The following EDNRB variants were observed in gnomAD, a reference collection of about 807,000 sequenced individuals.
EDNRB encodes the protein endothelin receptor type B.
EDNRB carries 18 observed loss-of-function variants against 46.4 expected under a neutral mutation model. The observed-to-expected ratio is 0.39, with a 90% CI of 0.27 to 0.57. The LOEUF (loss-of-function observed/expected upper bound fraction) is 0.57. EDNRB is among the 20% of genes least tolerant of loss of function. EDNRB has a pLI of 0.61. For synonymous variants in EDNRB, 213 were observed against 204.9 expected, an observed-to-expected ratio of 1.04 and a Z score of -0.34; for missense variants, 434 against 537.5, an observed-to-expected ratio of 0.81 and a Z score of 1.90.
intron 3 of EDNRB, 41 bp from the exon 4 acceptor site, chr13:77,901,248 T>G: frequency 6.3e-7 from 1 of 1,597,194 alleles, no homozygotes; most frequent in Non-Finnish European, 8.6e-7. Flanking sequence ...TACTCCTCTG[T>G]AAGAAAATCT....
chr13:77,961,389 T>G (rs1256834640), intron 1 of EDNRB, among the ~76,000 whole-genome samples: 1 of 152,124 alleles, frequency 6.6e-6, no homozygotes, highest in Admixed American at 6.6e-5. Context: ...AGTAAAGCAC[T>G]CCTCGGCAAA....
chr13:77,958,856 A>G (rs2137682073), intron 1 of EDNRB, among the ~76,000 whole-genome samples: 1 of 152,316 alleles, frequency 6.6e-6, no homozygotes, highest in East Asian at 1.9e-4. Flanking sequence ...CTAAGATATC[A>G]CCATCTTCTT....
intron 1 of EDNRB, among the ~76,000 whole-genome samples, chr13:77,926,099 A>G (rs541543864): frequency 1.3e-5 from 2 of 152,352 alleles, no homozygotes; most frequent in South Asian, 4.1e-4. Flanking sequence ...TATTTACCCA[A>G]TGCCTTTACC....
intron 1 of EDNRB, among the ~76,000 whole-genome samples, chr13:77,958,465 C>T (rs2329052): frequency 0.17 from 26,408 of 152,114 alleles, 2,772 homozygotes; most frequent in East Asian, 0.54. Flanking sequence ...CTCCGCCTCC[C>T]GGGTTCATGC....
intron 1 of EDNRB, among the ~76,000 whole-genome samples, chr13:77,929,601 T>C (rs1880331625): frequency 6.6e-6 from 1 of 152,168 alleles, no homozygotes; most frequent in Admixed American, 6.5e-5. Flanking sequence ...GTTCATGCCC[T>C]GAAAACCCAT....
rs1363639095 is a variant in EDNRB, at chr13:77,931,760, AC to A, written c.-51-13137del. On this transcript the variant is annotated intron_variant, in intron 1 of 7. Coordinates refer to the EDNRB transcript ENST00000646948. ...CTGTAGTAGCAAAAAAAAAAAAAAA[AC>A]AAAAAAAAAAAAACAAAAAAAACCT... 2.7e-3 allele frequency among the ~76,000 whole-genome samples: 327 copies of A among 120,500 alleles called. 1 individual carries two copies. The highest frequency in any genetic ancestry group is 6.4e-3 in the South Asian group (24 of 3,772). 79.1% of individuals were successfully genotyped at this position (120,500 alleles called of 152,430 possible).
chr13:77,919,303 AT>A, upstream of EDNRB: 2 of 1,343,246 alleles, frequency 1.5e-6, no homozygotes, highest in Non-Finnish European at 1.0e-6. Flanking sequence ...CTTAATTTTT[AT>A]TTTTTTAAAA....
chr13:77,955,664 T>C (rs118187846), intron 1 of EDNRB, among the ~76,000 whole-genome samples: 2,234 of 152,280 alleles, frequency 0.015, 45 homozygotes, highest in East Asian at 0.024. Context: ...TGTAAGATAA[T>C]GGTTCAATTT....
At chr13:77,932,296 A>T (rs1003115980) in intron 1 of EDNRB, among the ~76,000 whole-genome samples, 2 of 152,224 alleles carry the variant, frequency 1.3e-5, no homozygotes, top group African/African-American at 4.8e-5. Flanking sequence ...TCCCTGGATC[A>T]AATTTATCAG....
Position 77,896,398 on chromosome 13 carries a change from A to C in EDNRB, c.*1802T>G. 4 of 1,519,030 alleles carry C rather than the reference A, an allele frequency of 2.6e-6. No homozygotes were observed. Among genetic ancestry groups the C allele is most frequent in the Non-Finnish European group, 3.5e-6 (4 of 1,135,986 alleles). 94.1% of individuals were successfully genotyped at this position (1,519,030 alleles called of 1,614,324 possible). ...AGTGATTGGGATGAAATTAAAGAAC[A>C]AGTTTGTGGGTGATTTATAAATAGA... is the stretch of plus-strand genomic sequence containing the variant. On this transcript the variant is annotated 3_prime_UTR_variant, in exon 7 of 7. Coordinates refer to ENST00000646607, the MANE Select transcript of EDNRB (RefSeq NM_001122659.3).
At chr13:77,936,241 T>G (rs1880560357) in intron 1 of EDNRB, among the ~76,000 whole-genome samples, 1 of 151,954 alleles carries the variant, frequency 6.6e-6, no homozygotes, top group African/African-American at 2.4e-5. Context: ...GGCAATGAGG[T>G]GTGGCTGTAG....
At chr13:77,900,028 G>T in intron 5 of EDNRB, 61 bp from the exon 6 acceptor site, 1 of 1,408,986 alleles carries the variant, frequency 7.1e-7, no homozygotes, top group Non-Finnish European at 1.0e-6. Flanking sequence ...TGTAGTCATT[G>T]TAGCTTCTGT....
At chr13:77,964,062 C>T (rs1166084890) in intron 1 of EDNRB, among the ~76,000 whole-genome samples, 4 of 152,186 alleles carry the variant, frequency 2.6e-5, no homozygotes, top group Non-Finnish European at 5.9e-5. Flanking sequence ...AAATCAAAAC[C>T]ACAATGAGAT....
At chr13:77,917,662 A>G (rs1879878014) in intron 1 of EDNRB, among the ~76,000 whole-genome samples, 1 of 152,210 alleles carries the variant, frequency 6.6e-6, no homozygotes, top group South Asian at 2.1e-4. Context: ...TAGGGACTAG[A>G]TCCTTCAGGA....
rs1391756593 is a variant in EDNRB at position 77,945,874 on chromosome 13, AC to A, written c.-51-27251del. On this transcript the variant is annotated intron_variant, in intron 1 of 7. Transcript: ENST00000646948. ...GAAAATACTCTAAGCCATGCAAAAA[AC>A]CAAAAAAAAAAAAAAAAACAAAAAA... 4.3e-3 allele frequency among the ~76,000 whole-genome samples: 450 copies of A among 104,006 alleles called. 1 individual carries two copies. The highest frequency in any genetic ancestry group is 0.014 in the African/African-American group (403 of 29,442). The allele number at this position is 104,006 out of a possible 152,430, so 68.2% of individuals were successfully genotyped here.
At chr13:77,942,317 G>A (rs1352935566) in intron 1 of EDNRB, among the ~76,000 whole-genome samples, 1 of 152,220 alleles carries the variant, frequency 6.6e-6, no homozygotes, top group East Asian at 1.9e-4. Flanking sequence ...CTGGTGTTCT[G>A]TATTACCTCA....
chr13:77,958,991 A>G (rs909896467), intron 1 of EDNRB, among the ~76,000 whole-genome samples: 2 of 152,206 alleles, frequency 1.3e-5, no homozygotes, highest in African/African-American at 2.4e-5. Context: ...TGTTGTTGGG[A>G]GAGAAGGGAT....
chr13:77,957,865 A>G (rs1373838482), intron 1 of EDNRB, among the ~76,000 whole-genome samples: 2 of 152,210 alleles, frequency 1.3e-5, no homozygotes, highest in Admixed American at 1.3e-4. Flanking sequence ...CTATTTGCAG[A>G]CAGTAAAATG....
Position 77,896,825 on chromosome 13 carries a change from C to T in EDNRB, c.*1375G>A. 8.6e-7 allele frequency: 1 copy of T among 1,161,886 alleles called. No homozygotes were observed. Among genetic ancestry groups the T allele is most frequent in the South Asian group, 2.6e-5 (1 of 38,672 alleles). 72.0% of individuals were successfully genotyped at this position (1,161,886 alleles called of 1,614,324 possible). A position where few individuals can be genotyped will look rare whatever the true frequency, so the allele number is the denominator to read the frequency against. On this transcript the variant is annotated 3_prime_UTR_variant, in exon 7 of 7. Coordinates refer to ENST00000646607, the MANE Select transcript of EDNRB (RefSeq NM_001122659.3). ...ACATACTTTCACACACATCTCATCC[C>T]AAGCTATCCTAAGGCACTTTGCTTA...
Sources: gnomAD v4.1 joint callset for allele counts (sites outside exome capture counted in the v4.1 genomes callset) on GRCh38, gnomAD v4.1.1 for gene constraint, MANE v1.5 for transcripts, NCBI Gene and HGNC (gene_info 2026-07-23, HGNC 2026-07-21) for gene names.